Variants in SHISA9 observed in about 807,000 individuals in gnomAD.
The protein encoded by SHISA9 is protein shisa-9.
In SHISA9, 13 loss-of-function variants were observed where a neutral mutation model predicts 38.0. That is an observed-to-expected ratio of 0.34 (90% CI 0.22 to 0.54). SHISA9 has a LOEUF of 0.54. Ranked by LOEUF, SHISA9 falls within the 20% of genes least tolerant of loss-of-function variation. The pLI, the probability that SHISA9 is intolerant of heterozygous loss-of-function variation, is 0.91. For synonymous variants in SHISA9, 275 were observed against 242.0 expected, an observed-to-expected ratio of 1.14 and a Z score of -1.27; for missense variants, 538 against 575.8, an observed-to-expected ratio of 0.93 and a Z score of 0.67.
the SHISA9 span, among the ~76,000 whole-genome samples, chr16:13,266,280 C>A: frequency 3.3e-5 from 5 of 152,116 alleles, no homozygotes; most frequent in Non-Finnish European, 7.3e-5. Context: ...AATATGCATG[C>A]ATTATTATTT....
chr16:13,383,425 A>G, the SHISA9 span, among the ~76,000 whole-genome samples: 1 of 152,224 alleles, frequency 6.6e-6, no homozygotes, highest in Non-Finnish European at 1.5e-5. Flanking sequence ...ATATGGGGGA[A>G]GAATAGTATT....
At chr16:13,103,812 CTT>C (rs1179806835) in intron 2 of SHISA9, among the ~76,000 whole-genome samples, 3 of 152,180 alleles carry the variant, frequency 2.0e-5, no homozygotes, top group African/African-American at 7.2e-5. Context: ...TTGAGATGCT[CTT>C]GAGGGTGCCA....
At chr16:12,993,754 T>C (rs1360810241) in intron 2 of SHISA9, among the ~76,000 whole-genome samples, 1 of 152,106 alleles carries the variant, frequency 6.6e-6, no homozygotes, top group Admixed American at 6.6e-5. Flanking sequence ...GAGGAGTCCA[T>C]TGAGACCAGA....
the SHISA9 span, among the ~76,000 whole-genome samples, chr16:13,505,392 A>C: frequency 6.6e-6 from 1 of 152,182 alleles, no homozygotes; most frequent in Non-Finnish European, 1.5e-5. Flanking sequence ...ATGGAGAAAG[A>C]AAGCTGGTCT....
At chr16:13,353,343 G>A in the SHISA9 span, among the ~76,000 whole-genome samples, 3 of 152,170 alleles carry the variant, frequency 2.0e-5, no homozygotes, top group South Asian at 4.1e-4. Flanking sequence ...GAATTGGGAC[G>A]ACTCAGGATA....
At chr16:13,364,511 C>G in the SHISA9 span, among the ~76,000 whole-genome samples, 1 of 152,168 alleles carries the variant, frequency 6.6e-6, no homozygotes, top group Non-Finnish European at 1.5e-5. Flanking sequence ...ATAATTAACA[C>G]TATTCAGTAT....
intron 2 of SHISA9, among the ~76,000 whole-genome samples, chr16:13,178,817 G>C (rs1038696597): frequency 4.0e-5 from 6 of 150,482 alleles, no homozygotes; most frequent in Admixed American, 2.6e-4. Flanking sequence ...TCTATTTCCA[G>C]GTCCATGTTT....
intron 2 of SHISA9, among the ~76,000 whole-genome samples, chr16:13,185,590 C>T (rs1257629049): frequency 6.6e-6 from 1 of 152,178 alleles, no homozygotes; most frequent in East Asian, 1.9e-4. Context: ...ACAGATGTTG[C>T]CTCTAATCTC....
the SHISA9 span, among the ~76,000 whole-genome samples, chr16:13,419,013 T>G: frequency 6.6e-6 from 1 of 152,198 alleles, no homozygotes; most frequent in African/African-American, 2.4e-5. Context: ...ATGTAAGTAG[T>G]TGAAGAAAAC....
At chr16:13,214,921 C>T (rs1236178689) in intron 4 of SHISA9, among the ~76,000 whole-genome samples, 3 of 152,102 alleles carry the variant, frequency 2.0e-5, no homozygotes, top group Admixed American at 1.3e-4. Flanking sequence ...TGGGTGGGGG[C>T]ACAGCCAAAC....
chr16:13,007,579 T>C (rs1244743891), intron 2 of SHISA9, among the ~76,000 whole-genome samples: 2 of 152,150 alleles, frequency 1.3e-5, no homozygotes, highest in Non-Finnish European at 2.9e-5. Flanking sequence ...CCTGAGGGCC[T>C]CCCATGACCC....
At chr16:13,486,701 C>G in the SHISA9 span, among the ~76,000 whole-genome samples, 1 of 152,050 alleles carries the variant, frequency 6.6e-6, no homozygotes, top group Non-Finnish European at 1.5e-5. Flanking sequence ...TCTATACCTT[C>G]TTTCTCTTTT....
chr16:13,245,819 A>G, the SHISA9 span, among the ~76,000 whole-genome samples: 1 of 152,184 alleles, frequency 6.6e-6, no homozygotes, highest in East Asian at 1.9e-4. Flanking sequence ...GTAGATCACC[A>G]TGGATGTCCC....
chr16:13,381,841 G>C, the SHISA9 span, among the ~76,000 whole-genome samples: 1 of 152,082 alleles, frequency 6.6e-6, no homozygotes, highest in African/African-American at 2.4e-5. Flanking sequence ...CAGAAGATTT[G>C]TAATATAATT....
intron 2 of SHISA9, among the ~76,000 whole-genome samples, chr16:13,011,319 ATT>A (rs55755155): frequency 6.3e-5 from 8 of 127,674 alleles, no homozygotes; most frequent in Admixed American, 1.7e-4. Context: ...ATTAGCACTC[ATT>A]TTTTTTTTTT....
At chr16:13,320,926 G>A in the SHISA9 span, among the ~76,000 whole-genome samples, 1 of 152,180 alleles carries the variant, frequency 6.6e-6, no homozygotes, top group Non-Finnish European at 1.5e-5. Context: ...GTCTGGTGTT[G>A]TTCAATGGAA....
In SHISA9 at chr16:13,204,372, G is replaced by A. The variant is rs2051043375; in HGVS notation, c.847+823G>A. Among the ~76,000 whole-genome samples the A allele has an allele frequency of 2.0e-5, 3 of 152,246 alleles. No individual in the cohort carries two copies. The South Asian group carries it at 6.2e-4, about 32-fold the overall frequency. On this transcript the variant is annotated intron_variant, in intron 3 of 4. Transcript: ENST00000558583. Reference sequence around the variant, plus strand: ...GTGAGGCAGGGTGGCTGGGCGAGGGGCACATGTGCGGTGAGGGCTATTTCC... The same window carrying A: ...GTGAGGCAGGGTGGCTGGGCGAGGGACACATGTGCGGTGAGGGCTATTTCC...
At chr16:13,558,260 C>G in the SHISA9 span, among the ~76,000 whole-genome samples, 3 of 152,162 alleles carry the variant, frequency 2.0e-5, no homozygotes, top group Admixed American at 1.3e-4. Context: ...AAAATCCTTT[C>G]TAGCATTCAC....
the SHISA9 span, among the ~76,000 whole-genome samples, chr16:13,284,932 A>C: frequency 2.6e-4 from 40 of 152,200 alleles, no homozygotes; most frequent in African/African-American, 9.4e-4. Flanking sequence ...TGCTAAACAG[A>C]TGTTGGATCT....
Sources: gnomAD v4.1 joint callset for allele counts (sites outside exome capture counted in the v4.1 genomes callset) on GRCh38, gnomAD v4.1.1 for gene constraint, MANE v1.5 for transcripts, NCBI Gene and HGNC (gene_info 2026-07-23, HGNC 2026-07-21) for gene names.